FGF14: variants seen among roughly 807,000 people sequenced by gnomAD.
The protein encoded by FGF14 is fibroblast growth factor 14.
A neutral mutation model predicts 25.5 loss-of-function variants in FGF14; 5 were observed. The observed-to-expected ratio is 0.20, with a 90% confidence interval of 0.10 to 0.41. The LOEUF (loss-of-function observed/expected upper bound fraction) is 0.41. Ranked by LOEUF, FGF14 falls within the 10% of genes least tolerant of loss-of-function variation. The probability of loss-of-function intolerance (pLI) is 1.00; values close to 1 mark genes in which losing one functional copy is unlikely to be tolerated. For synonymous variants in FGF14, 138 were observed against 118.3 expected (o/e 1.17, Z -1.08); for missense variants, 222 against 320.1 (o/e 0.69, Z 2.34).
chr13:102,016,450 T>A (rs114603517), intron 1 of FGF14, among the ~76,000 whole-genome samples: 215 of 152,286 alleles, frequency 1.4e-3, no homozygotes, highest in African/African-American at 5.0e-3. Context: ...TATAGCTGAT[T>A]TTTCTAAAAA....
At chr13:102,016,942 T>C (rs562158830) in intron 1 of FGF14, 2 of 154,390 alleles carry the variant, frequency 1.3e-5, no homozygotes, top group South Asian at 2.0e-4. Context: ...GCTAGGACAG[T>C]ATAAATTCTA....
chr13:102,054,829 C>T (rs2042361786), intron 1 of FGF14, among the ~76,000 whole-genome samples: 1 of 152,146 alleles, frequency 6.6e-6, no homozygotes, highest in South Asian at 2.1e-4. Context: ...GTTATCCCTC[C>T]TTTTATTCAT....
At chr13:102,303,735 T>C (rs986625788) in intron 1 of FGF14, among the ~76,000 whole-genome samples, 3 of 152,190 alleles carry the variant, frequency 2.0e-5, no homozygotes, top group Admixed American at 2.0e-4. Flanking sequence ...ATTGTTTTTC[T>C]AAATTGATTC....
At chr13:101,819,533 A>G (rs1446207473) in intron 3 of FGF14, among the ~76,000 whole-genome samples, 2 of 152,212 alleles carry the variant, frequency 1.3e-5, no homozygotes, top group Admixed American at 6.5e-5. Context: ...GTAAACTTAA[A>G]TTACAAGTAA....
chr13:101,904,322 C>T (rs9518595), intron 1 of FGF14, among the ~76,000 whole-genome samples: 9,976 of 151,388 alleles, frequency 0.066, 397 homozygotes, highest in East Asian at 0.12. Context: ...ATGTGTGAGA[C>T]AAAATGCAGG....
At chr13:102,159,450 T>C (rs899194520) in intron 1 of FGF14, among the ~76,000 whole-genome samples, 9 of 152,130 alleles carry the variant, frequency 5.9e-5, no homozygotes, top group South Asian at 2.1e-4. Flanking sequence ...TCCTCATTAA[T>C]TGTAGCTTAC....
chr13:102,009,849 G>T (rs2039989284), intron 1 of FGF14, among the ~76,000 whole-genome samples: 1 of 150,872 alleles, frequency 6.6e-6, no homozygotes, highest in Non-Finnish European at 1.5e-5. Flanking sequence ...CCCAACACAT[G>T]TTTTAGAAAT....
intron 3 of FGF14, among the ~76,000 whole-genome samples, chr13:101,805,366 T>C (rs932485487): frequency 2.0e-5 from 3 of 152,184 alleles, no homozygotes; most frequent in Non-Finnish European, 2.9e-5. Flanking sequence ...GTGGTTTGTA[T>C]TTTTAAAATA....
chr13:101,873,329 T>C (rs564360472), intron 2 of FGF14, among the ~76,000 whole-genome samples: 1 of 152,278 alleles, frequency 6.6e-6, no homozygotes, highest in South Asian at 2.1e-4. Flanking sequence ...CATAAAACCT[T>C]TGTTTGAGTG....
chr13:101,878,412 T>C (rs1373750757), intron 1 of FGF14, among the ~76,000 whole-genome samples: 1 of 152,198 alleles, frequency 6.6e-6, no homozygotes, highest in Non-Finnish European at 1.5e-5. Context: ...GACAATTTTA[T>C]GGTAATTTTA....
chr13:102,371,171 C>T (rs553059552), intron 1 of FGF14, among the ~76,000 whole-genome samples: 81 of 152,114 alleles, frequency 5.3e-4, no homozygotes, highest in Non-Finnish European at 1.0e-3. Flanking sequence ...ATTTAAAACC[C>T]TGTTGACTAT....
chr13:102,202,866 G>A (rs930860552), intron 1 of FGF14, among the ~76,000 whole-genome samples: 2 of 152,178 alleles, frequency 1.3e-5, no homozygotes, highest in African/African-American at 4.8e-5. Flanking sequence ...CAGTGCTGCT[G>A]TGCTTTTAAT....
chr13:101,755,522 A>C (rs1401992924), intron 3 of FGF14, among the ~76,000 whole-genome samples: 1 of 152,174 alleles, frequency 6.6e-6, no homozygotes, highest in Non-Finnish European at 1.5e-5. Flanking sequence ...TAAATAAAAA[A>C]TAATGATCAA....
At chr13:101,896,787 A>G (rs1028729215) in intron 1 of FGF14, among the ~76,000 whole-genome samples, 15 of 152,126 alleles carry the variant, frequency 9.9e-5, no homozygotes, top group African/African-American at 3.6e-4. Context: ...AATCAATAAA[A>G]CCAATTAGGA....
intron 1 of FGF14, among the ~76,000 whole-genome samples, chr13:101,956,245 T>C (rs1329545509): frequency 6.6e-6 from 1 of 152,068 alleles, no homozygotes; most frequent in Non-Finnish European, 1.5e-5. Flanking sequence ...TTAATATGAA[T>C]ATTAAACTTT....
intron 3 of FGF14, among the ~76,000 whole-genome samples, chr13:101,786,016 A>G (rs532567855): frequency 6.6e-6 from 1 of 152,326 alleles, no homozygotes; most frequent in African/African-American, 2.4e-5. Context: ...ACCCTGAGTC[A>G]GTGTCCAGGA....
At chr13:102,398,125 CT>C (rs1195083780) in intron 1 of FGF14, among the ~76,000 whole-genome samples, 1 of 151,332 alleles carries the variant, frequency 6.6e-6, no homozygotes, top group East Asian at 1.9e-4. Flanking sequence ...GACTTTTAAG[CT>C]ATTGGAATTT....
intron 3 of FGF14, among the ~76,000 whole-genome samples, chr13:101,734,233 A>G (rs1370813396): frequency 6.6e-6 from 1 of 152,200 alleles, no homozygotes; most frequent in Non-Finnish European, 1.5e-5. Context: ...TCTCATTACT[A>G]CATAGAACAA....
At chr13:102,352,242 TACACACACACACACACACACAC>T (rs56774921) in intron 1 of FGF14, among the ~76,000 whole-genome samples, 10 of 137,284 alleles carry the variant, frequency 7.3e-5, no homozygotes, top group Admixed American at 2.2e-4. Flanking sequence ...TGTACCTTTA[TACACACACACACACACACACAC>T]ACACACACAC....
Sources: allele counts gnomAD v4.1 joint callset (sites outside exome capture counted in the v4.1 genomes callset), GRCh38; gene constraint gnomAD v4.1.1; transcripts MANE v1.5; gene names NCBI Gene and HGNC (gene_info 2026-07-23, HGNC 2026-07-21).